The following JARID2 variants were observed in gnomAD, a reference collection of about 807,000 sequenced individuals.
JARID2 encodes protein Jumonji.
A neutral mutation model predicts 125.6 loss-of-function variants in JARID2; 21 were observed. The ratio of observed to expected loss-of-function variants is 0.17; its 90% CI spans 0.12 to 0.24. The LOEUF (loss-of-function observed/expected upper bound fraction) is 0.24, where lower values mean the gene tolerates loss of function less well. Ranked by LOEUF, JARID2 falls within the 10% of genes least tolerant of loss-of-function variation. JARID2 has a pLI of 1.00. For missense variants in JARID2, 1,303 were observed against 1,639.6 expected, an observed-to-expected ratio of 0.79 and a Z score of 3.55; for synonymous variants, 736 against 661.6, an observed-to-expected ratio of 1.11 and a Z score of -1.73.
intron 3 of JARID2, among the ~76,000 whole-genome samples, chr6:15,413,008 G>GTTTTTGTTTTTTTTTTTTTT (rs1765958811): frequency 6.3e-5 from 3 of 47,474 alleles, no homozygotes; most frequent in Non-Finnish European, 1.1e-4. Flanking sequence ...TTGTGTTTTT[G>GTTTTTGTTTTTTTTTTTTTT]TTTTTTTTTT....
intron 12 of JARID2, chr6:15,509,107 G>T: frequency 7.8e-7 from 1 of 1,289,092 alleles, no homozygotes; most frequent in Non-Finnish European, 1.0e-6. Flanking sequence ...CTGGGTCCCC[G>T]CCTGTAATCT....
chr6:15,391,785 T>C (rs1404788353), intron 2 of JARID2, among the ~76,000 whole-genome samples: 3 of 152,200 alleles, frequency 2.0e-5, no homozygotes, highest in African/African-American at 7.2e-5. Flanking sequence ...ATCCTCCTTA[T>C]GTAAAACAAA....
chr6:15,505,870 G>C (rs1210463808), intron 9 of JARID2, among the ~76,000 whole-genome samples: 1 of 152,272 alleles, frequency 6.6e-6, no homozygotes, highest in Non-Finnish European at 1.5e-5. Flanking sequence ...GTTTGTGGTA[G>C]AGATGTCAGG....
chr6:15,304,072 G>A (rs1761724192), intron 1 of JARID2, among the ~76,000 whole-genome samples: 1 of 152,094 alleles, frequency 6.6e-6, no homozygotes, highest in Non-Finnish European at 1.5e-5. Context: ...GTTGCTGTGG[G>A]GATTAAAGGA....
intron 9 of JARID2, among the ~76,000 whole-genome samples, chr6:15,506,689 T>C (rs978331062): frequency 3.3e-5 from 5 of 152,226 alleles, no homozygotes; most frequent in African/African-American, 9.6e-5. Context: ...TTTGTTTAGA[T>C]GGGACATATT....
chr6:15,504,239 C>T (rs895284039), intron 8 of JARID2, among the ~76,000 whole-genome samples: 2 of 152,262 alleles, frequency 1.3e-5, no homozygotes, highest in African/African-American at 4.8e-5. Flanking sequence ...CTCAGGGCCT[C>T]TGGGCGGCAG....
At chr6:15,408,002 G>T (rs976525340) in intron 2 of JARID2, among the ~76,000 whole-genome samples, 1 of 152,136 alleles carries the variant, frequency 6.6e-6, no homozygotes, top group Non-Finnish European at 1.5e-5. Context: ...AGTAACTCAT[G>T]CCTGTAATCC....
chr6:15,388,512 A>T (rs935124988), intron 2 of JARID2, among the ~76,000 whole-genome samples: 1 of 151,618 alleles, frequency 6.6e-6, no homozygotes. Flanking sequence ...AGGATGATAA[A>T]AACAGTACAA....
chr6:15,510,538 TTA>T (rs1289848325), intron 12 of JARID2, among the ~76,000 whole-genome samples: 1 of 152,198 alleles, frequency 6.6e-6, no homozygotes, highest in African/African-American at 2.4e-5. Context: ...CCTGCCATGG[TTA>T]TACCCTGGAG....
intron 5 of JARID2, among the ~76,000 whole-genome samples, chr6:15,471,686 C>T (rs567003349): frequency 3.4e-4 from 52 of 152,254 alleles, no homozygotes; most frequent in Admixed American, 8.5e-4. Context: ...TGATTTTTCT[C>T]ATGGATTCAG....
At chr6:15,431,070 C>A (rs1325523196) in intron 3 of JARID2, among the ~76,000 whole-genome samples, 1 of 152,170 alleles carries the variant, frequency 6.6e-6, no homozygotes, top group Non-Finnish European at 1.5e-5. Context: ...TGTGGACTGG[C>A]ACTTGGCCTT....
intron 1 of JARID2, among the ~76,000 whole-genome samples, chr6:15,314,127 C>G (rs1470649696): frequency 2.0e-5 from 3 of 152,134 alleles, no homozygotes; most frequent in Non-Finnish European, 2.9e-5. Context: ...AGGTTAAGCT[C>G]AGTTAGTGGA....
At chr6:15,386,563 T>A (rs770116753) in intron 2 of JARID2, among the ~76,000 whole-genome samples, 4 of 152,218 alleles carry the variant, frequency 2.6e-5, no homozygotes, top group Non-Finnish European at 5.9e-5. Context: ...CCTCAAGATC[T>A]GGCCTCAGGT....
At chr6:15,481,240 A>G (rs1769599034) in intron 5 of JARID2, among the ~76,000 whole-genome samples, 1 of 152,200 alleles carries the variant, frequency 6.6e-6, no homozygotes. Flanking sequence ...ACAAATCAAT[A>G]TATTTGTCTC....
At chr6:15,325,754 T>C (rs1338823615) in intron 1 of JARID2, among the ~76,000 whole-genome samples, 1 of 152,230 alleles carries the variant, frequency 6.6e-6, no homozygotes, top group Non-Finnish European at 1.5e-5. Context: ...CGAAAAGTAG[T>C]ACCATGGTAA....
At chr6:15,289,312 G>C (rs901682985) in intron 1 of JARID2, among the ~76,000 whole-genome samples, 2 of 152,180 alleles carry the variant, frequency 1.3e-5, no homozygotes, top group Non-Finnish European at 2.9e-5. Context: ...CAGTAGTCTG[G>C]TGTCCTTCTT....
intron 1 of JARID2, among the ~76,000 whole-genome samples, chr6:15,311,734 TG>T (rs1197363544): frequency 1.5e-4 from 21 of 141,396 alleles, no homozygotes; most frequent in African/African-American, 5.5e-4. Context: ...AAAAGGTAAC[TG>T]TTTTTTTTTT....
At chr6:15,372,177 T>C (rs1764195619) in intron 1 of JARID2, among the ~76,000 whole-genome samples, 1 of 152,180 alleles carries the variant, frequency 6.6e-6, no homozygotes, top group Admixed American at 6.5e-5. Flanking sequence ...TCTAGACTTC[T>C]CATTGAGTCC....
chr6:15,415,852 G>A (rs1766167737), intron 3 of JARID2, among the ~76,000 whole-genome samples: 2 of 149,926 alleles, frequency 1.3e-5, no homozygotes, highest in Admixed American at 1.3e-4. Context: ...CGGACGGGGC[G>A]GCTGGCTGGG....
Sources: allele counts gnomAD v4.1 joint callset (sites outside exome capture counted in the v4.1 genomes callset), GRCh38; gene constraint gnomAD v4.1.1; transcripts MANE v1.5; gene names NCBI Gene and HGNC (gene_info 2026-07-23, HGNC 2026-07-21).